WNT5B: variants seen among roughly 807,000 people sequenced by gnomAD.
WNT5B encodes the protein protein Wnt-5b.
In WNT5B, 18 loss-of-function variants were observed where a neutral mutation model predicts 36.5. The ratio of observed to expected loss-of-function variants is 0.49; its 90% CI spans 0.34 to 0.73. WNT5B has a LOEUF of 0.73. Ranked by LOEUF, WNT5B falls within the 30% of genes least tolerant of loss-of-function variation. The pLI, the probability that WNT5B is intolerant of heterozygous loss-of-function variation, is 0.01. For synonymous variants in WNT5B, 213 were observed against 212.3 expected (o/e 1.00, Z -0.03); for missense variants, 424 against 508.4 (o/e 0.83, Z 1.60).
chr12:1,632,707 G>T lies in WNT5B; in HGVS notation c.130G>T (p.Ala44Ser). 1 of 1,613,110 alleles carries T rather than the reference G, an allele frequency of 6.2e-7. No homozygotes were observed. Among genetic ancestry groups the T allele is most frequent in the Non-Finnish European group, 8.5e-7 (1 of 1,179,190 alleles). Reference protein sequence around the residue: ...VQRPEMFIIGAQPVCSQLPGL... With the variant: ...VQRPEMFIIGSQPVCSQLPGL... Reference sequence around the variant, plus strand: ...GAGACCCGAGATGTTTATCATCGGTGCCCAGCCCGTGTGCAGTCAGCTTCC... The same window carrying T: ...GAGACCCGAGATGTTTATCATCGGTTCCCAGCCCGTGTGCAGTCAGCTTCC... The change falls in exon 3 of 5, where the codon GCC becomes TCC. Residue 44 changes from alanine to serine, a missense_variant. Coordinates refer to ENST00000397196, the MANE Select transcript of WNT5B (RefSeq NM_032642.3). This position sits in a 1 kb window ranked among gnomAD's most constrained non-coding sequence, Gnocchi z 5.8.
At chr12:1,638,323 C>G (rs940115768) in intron 3 of WNT5B, among the ~76,000 whole-genome samples, 2 of 152,214 alleles carry the variant, frequency 1.3e-5, no homozygotes, top group African/African-American at 2.4e-5. Context: ...AAACGAGGAG[C>G]TTTGCCTGTG....
intron 4 of WNT5B, 74 bp downstream of exon 4, chr12:1,640,050 G>A: frequency 1.3e-6 from 2 of 1,507,320 alleles, no homozygotes; most frequent in South Asian, 1.3e-5. Flanking sequence ...CACCAGCCGT[G>A]GCCTGGCCTT....
At chr12:1,622,546 G>T (rs2094535371) in intron 1 of WNT5B, among the ~76,000 whole-genome samples, 1 of 152,200 alleles carries the variant, frequency 6.6e-6, no homozygotes, top group Admixed American at 6.5e-5. Context: ...GTACAGTCAA[G>T]CAGCTTCCTC....
At position 1,630,312 on chromosome 12, in the gene WNT5B, T is replaced by C. The variant is rs2094548038; in HGVS notation, c.-58+941T>C. 4 of 866,260 alleles carry C rather than the reference T, an allele frequency of 4.6e-6. No homozygotes were observed. The highest frequency in any genetic ancestry group is 5.5e-6 in the Non-Finnish European group (4 of 721,672). 53.7% of individuals were successfully genotyped at this position (866,260 alleles called of 1,614,324 possible). On this transcript the variant is annotated intron_variant, in intron 1 of 4. Coordinates refer to ENST00000397196, the MANE Select transcript of WNT5B (RefSeq NM_032642.3). This position sits in a 1 kb window ranked among gnomAD's most constrained non-coding sequence, Gnocchi z 5.3. ...GACCGCGGGGGAGCCGCAGGGGCCG[T>C]GTGTCCCGAGGCGCAGGCTCGCTCT...
intron 4 of WNT5B, among the ~76,000 whole-genome samples, chr12:1,645,548 G>A (rs1330552481): frequency 6.6e-6 from 1 of 152,246 alleles, no homozygotes; most frequent in East Asian, 1.9e-4. Flanking sequence ...AGTGCCTGGT[G>A]CCATCCTCCC....
Position 1,646,491 on chromosome 12 carries a change from G to C in WNT5B, c.*239G>C, listed in dbSNP as rs887549643. The C allele has an allele frequency of 4.0e-6, 1 of 252,764 alleles. No homozygotes were observed. Among genetic ancestry groups the C allele is most frequent in the African/African-American group, 2.2e-5 (1 of 44,492 alleles). 15.7% of individuals were successfully genotyped at this position (252,764 alleles called of 1,614,324 possible). A position where few individuals can be genotyped will look rare whatever the true frequency, so the allele number is the denominator to read the frequency against. Reference sequence around the variant, plus strand: ...AGGGCTTTTTCTCTCCCTCTGGCGAGGACTCTCAGGATGTAGGGACTTGGA... The same window carrying C: ...AGGGCTTTTTCTCTCCCTCTGGCGACGACTCTCAGGATGTAGGGACTTGGA... On this transcript the variant is annotated 3_prime_UTR_variant, in exon 5 of 5. Transcript: ENST00000397196.
intron 3 of WNT5B, among the ~76,000 whole-genome samples, chr12:1,634,016 G>C (rs186721137): frequency 7.0e-4 from 107 of 152,188 alleles, no homozygotes; most frequent in Admixed American, 1.8e-3. Context: ...GACCAGCCTG[G>C]GTAACATAGT....
Position 1,644,466 on chromosome 12 carries a change from C to T in WNT5B, c.622-1328C>T, listed in dbSNP as rs190037923. Reference sequence around the variant, plus strand: ...TAAAATAGTGGGAATAATTCCGTACCAGAAAAAACTCAGGAAGACTTTTGC... The same window carrying T: ...TAAAATAGTGGGAATAATTCCGTACTAGAAAAAACTCAGGAAGACTTTTGC... On this transcript the variant is annotated intron_variant, in intron 4 of 4. Transcript: ENST00000397196. This position sits in a 1 kb window ranked among gnomAD's most constrained non-coding sequence, Gnocchi z 5.1. 1.6e-3 allele frequency among the ~76,000 whole-genome samples: 247 copies of T among 152,264 alleles called. No individual in the cohort carries two copies. Among genetic ancestry groups the T allele is most frequent in the Non-Finnish European group, 2.7e-3 (184 of 68,028 alleles).
chr12:1,621,425 C>A (rs2094533654), intron 1 of WNT5B, among the ~76,000 whole-genome samples: 1 of 152,164 alleles, frequency 6.6e-6, no homozygotes, highest in Admixed American at 6.5e-5. Context: ...GGTGACTGGT[C>A]CCCTATGTCT....
In WNT5B at chr12:1,630,302, G is replaced by A; in HGVS notation, c.-58+931G>A. The A allele has an allele frequency of 8.8e-6, 8 of 906,992 alleles. No homozygotes were observed. The highest frequency in any genetic ancestry group is 1.1e-5 in the Non-Finnish European group (8 of 758,206). 56.2% of individuals were successfully genotyped at this position (906,992 alleles called of 1,614,324 possible). A position where few individuals can be genotyped will look rare whatever the true frequency, so the allele number is the denominator to read the frequency against. On this transcript the variant is annotated intron_variant, in intron 1 of 4. Transcript: ENST00000397196. This position sits in a 1 kb window ranked among gnomAD's most constrained non-coding sequence, Gnocchi z 5.3. ...GGCCCCGGAGGACCGCGGGGGAGCC[G>A]CAGGGGCCGTGTGTCCCGAGGCGCA...
At chr12:1,626,157 C>T (rs2094540728), upstream of WNT5B, among the ~76,000 whole-genome samples, 1 of 151,672 alleles carries the variant, frequency 6.6e-6, no homozygotes, top group Admixed American at 6.6e-5. Context: ...CAGGGTCTCA[C>T]TGTGTTGCCT....
chr12:1,639,706 C>A lies in WNT5B; in HGVS notation c.351C>A (p.Thr117=). ...CAGGCAGCCGAGAGACCGCCTTCAC[C>A]CACGCGGTGAGCGCCGCGGGCGTGG... is the stretch of plus-strand genomic sequence containing the variant. ...MQIGSRETAF[T]HAVSAAGVVN... is the part of the protein sequence containing the mutation. The change falls in exon 4 of 5, where the codon ACC becomes ACA. Residue 117 remains threonine, a synonymous_variant. Coordinates refer to ENST00000397196, the MANE Select transcript of WNT5B (RefSeq NM_032642.3). 4 of 1,580,192 alleles carry A rather than the reference C, an allele frequency of 2.5e-6. No individual in the cohort carries two copies. The highest frequency in any genetic ancestry group is 3.4e-6 in the Non-Finnish European group (4 of 1,167,118).
upstream of WNT5B, among the ~76,000 whole-genome samples, chr12:1,624,309 C>T (rs1338304606): frequency 2.2e-5 from 3 of 137,824 alleles, no homozygotes; most frequent in South Asian, 2.3e-4. Flanking sequence ...TCACTTGAAT[C>T]GGGAGGCGGA....
upstream of WNT5B, chr12:1,629,188 G>A (rs1331795450): frequency 6.6e-6 from 1 of 152,212 alleles, no homozygotes; most frequent in African/African-American, 2.4e-5. Context: ...AGCAGCTCCT[G>A]GGAAGTCTGG....
chr12:1,639,287 G>A (rs994571455), intron 3 of WNT5B, among the ~76,000 whole-genome samples: 8 of 151,204 alleles, frequency 5.3e-5, no homozygotes, highest in Admixed American at 2.6e-4. Flanking sequence ...ACAGGCGCCC[G>A]CCACCACGCC....
Position 1,630,237 on chromosome 12 carries a change from C to G in WNT5B, c.-58+866C>G. Reference sequence around the variant, plus strand: ...GGCTGCGCTCGTCAGGTCCGGGGCCCCGGGGAGGCCGCTGGGGGCGCGGGT... The same window carrying G: ...GGCTGCGCTCGTCAGGTCCGGGGCCGCGGGGAGGCCGCTGGGGGCGCGGGT... On this transcript the variant is annotated intron_variant, in intron 1 of 4. Transcript: ENST00000397196. This position sits in a 1 kb window ranked among gnomAD's most constrained non-coding sequence, Gnocchi z 5.3. 1 of 985,330 alleles carries G rather than the reference C, an allele frequency of 1.0e-6. No individual in the cohort carries two copies. The highest frequency in any genetic ancestry group is 1.2e-6 in the Non-Finnish European group (1 of 829,890). The allele number at this position is 985,330 out of a possible 1,614,324, so 61.0% of individuals were successfully genotyped here. A position where few individuals can be genotyped will look rare whatever the true frequency, so the allele number is the denominator to read the frequency against.
intron 1 of WNT5B, among the ~76,000 whole-genome samples, chr12:1,617,315 A>ATG (rs2094528237): frequency 6.7e-6 from 1 of 149,312 alleles, no homozygotes; most frequent in Non-Finnish European, 1.5e-5. Flanking sequence ...TATATAAAAT[A>ATG]TATATATAAT....
chr12:1,632,047 G>C lies in WNT5B; in HGVS notation c.81-611G>C, dbSNP rs1252289537. On this transcript the variant is annotated intron_variant, in intron 2 of 4. Transcript: ENST00000397196. This position sits in a 1 kb window ranked among gnomAD's most constrained non-coding sequence, Gnocchi z 5.8. Reference sequence around the variant, plus strand: ...AAGGGAGAGCCTCTGAACTGGTGGAGAGTGGATGAGGGGAAGCTCAAAGTG... The same window carrying C: ...AAGGGAGAGCCTCTGAACTGGTGGACAGTGGATGAGGGGAAGCTCAAAGTG... 6.6e-6 allele frequency among the ~76,000 whole-genome samples: 1 copy of C among 152,234 alleles called. No homozygotes were observed. Among genetic ancestry groups the C allele is most frequent in the South Asian group, 2.1e-4 (1 of 4,830 alleles).
chr12:1,617,963 A>AC (rs992722629), intron 1 of WNT5B, among the ~76,000 whole-genome samples: 8 of 151,888 alleles, frequency 5.3e-5, no homozygotes, highest in African/African-American at 1.2e-4. Context: ...ATATAGGGAG[A>AC]CCCCCATCTC....
Sources: gnomAD v4.1 joint callset for allele counts (sites outside exome capture counted in the v4.1 genomes callset) on GRCh38, gnomAD v4.1.1 for gene constraint, Gnocchi (gnomAD v3.1) non-coding constraint, MANE v1.5 for transcripts, NCBI Gene and HGNC (gene_info 2026-07-23, HGNC 2026-07-21) for gene names.